The following MICAL3 variants were observed in gnomAD, a reference collection of about 807,000 sequenced individuals.
The protein encoded by MICAL3 is microtubule associated monooxygenase, calponin and LIM domain containing 3.
MICAL3 carries 62 observed loss-of-function variants against 207.4 expected under a neutral mutation model. The ratio of observed to expected loss-of-function variants is 0.30; its 90% confidence interval spans 0.24 to 0.37. The LOEUF is 0.37. Ranked by LOEUF, MICAL3 falls within the 10% of genes least tolerant of loss-of-function variation. MICAL3 has a pLI of 1.00. For missense variants in MICAL3, 2,368 were observed against 2,635.6 expected (o/e 0.90, Z 2.22); for synonymous variants, 1,077 against 1,069.3 (o/e 1.01, Z -0.14).
chr22:18,024,423 G>A lies in MICAL3; in HGVS notation c.-217C>T, dbSNP rs1924673948. On this transcript the variant is annotated 5_prime_UTR_variant, in exon 1 of 32. Coordinates refer to ENST00000441493, the MANE Select transcript of MICAL3 (RefSeq NM_015241.3). ...GCGATCCCGCCCAGTTAGCCTCGGG[G>A]GCTGCACAGCCCAGCCCCCTCGCCC... 1 of 152,204 alleles carries A rather than the reference G, an allele frequency of 6.6e-6. No individual in the cohort carries two copies. Among genetic ancestry groups the A allele is most frequent in the Admixed American group, 6.5e-5 (1 of 15,284 alleles). 9.4% of individuals were successfully genotyped at this position (152,204 alleles called of 1,614,324 possible).
chr22:17,824,283 T>C (rs960756331), intron 22 of MICAL3, among the ~76,000 whole-genome samples: 1 of 152,100 alleles, frequency 6.6e-6, no homozygotes, highest in East Asian at 1.9e-4. Flanking sequence ...GAGAAAGGAG[T>C]TATGCTCTGA....
intron 1 of MICAL3, among the ~76,000 whole-genome samples, chr22:17,921,126 CG>C (rs1308543294): frequency 1.3e-5 from 2 of 152,116 alleles, no homozygotes; most frequent in African/African-American, 4.8e-5. Context: ...TTCACAGGTA[CG>C]GGGACATAAG....
At chr22:17,791,904 C>A (rs955368602) in intron 29 of MICAL3, among the ~76,000 whole-genome samples, 7 of 152,270 alleles carry the variant, frequency 4.6e-5, no homozygotes, top group African/African-American at 1.4e-4. Context: ...ATGGTCGATG[C>A]AGGGCATCTC....
intron 25 of MICAL3, among the ~76,000 whole-genome samples, chr22:17,819,440 T>C (rs915755541): frequency 2.0e-5 from 3 of 152,178 alleles, no homozygotes; most frequent in Admixed American, 2.0e-4. Flanking sequence ...CATAGAGGAA[T>C]GCAGTTCTCA....
intron 23 of MICAL3, among the ~76,000 whole-genome samples, chr22:17,822,596 A>T (rs1196081251): frequency 4.6e-5 from 7 of 151,948 alleles, no homozygotes; most frequent in Non-Finnish European, 1.0e-4. Context: ...GGTTCTTCTC[A>T]TTCTTCCCAG....
intron 1 of MICAL3, among the ~76,000 whole-genome samples, chr22:17,948,631 G>T (rs1208039078): frequency 6.6e-6 from 1 of 152,172 alleles, no homozygotes; most frequent in East Asian, 1.9e-4. Context: ...TTAAAAACAA[G>T]ATTTCTCATA....
At chr22:17,827,599 G>A in intron 22 of MICAL3, 45 bp downstream of exon 22, 1 of 1,510,530 alleles carries the variant, frequency 6.6e-7, no homozygotes, top group Non-Finnish European at 8.9e-7. Flanking sequence ...GCAGCAGGCG[G>A]GTGGTGCTCG....
At chr22:17,834,862 G>A (rs1441466092) in intron 20 of MICAL3, among the ~76,000 whole-genome samples, 1 of 152,212 alleles carries the variant, frequency 6.6e-6, no homozygotes, top group Non-Finnish European at 1.5e-5. Context: ...AACACTGTTT[G>A]AACATAAAAT....
At chr22:17,809,729 G>A (rs1333127766) in intron 28 of MICAL3, among the ~76,000 whole-genome samples, 1 of 152,228 alleles carries the variant, frequency 6.6e-6, no homozygotes, top group African/African-American at 2.4e-5. Context: ...GGAGAGCTCT[G>A]ACCTCTGACC....
chr22:17,881,817 G>C (rs1018110563), intron 16 of MICAL3, among the ~76,000 whole-genome samples: 1 of 152,198 alleles, frequency 6.6e-6, no homozygotes, highest in Admixed American at 6.5e-5. Context: ...ATGCAACAAA[G>C]GCAGGAGCAT....
At chr22:17,930,397 A>G (rs1240813067) in intron 1 of MICAL3, among the ~76,000 whole-genome samples, 2 of 152,228 alleles carry the variant, frequency 1.3e-5, no homozygotes, top group Non-Finnish European at 2.9e-5. Flanking sequence ...CAAAAATTGG[A>G]AACATTCAAA....
chr22:17,818,121 C>A lies in MICAL3; in HGVS notation c.4540G>T (p.Val1514Leu). 1 of 1,611,346 alleles carries A rather than the reference C, an allele frequency of 6.2e-7. No individual in the cohort carries two copies. The highest frequency in any genetic ancestry group is 1.1e-5 in the South Asian group (1 of 90,612). Residue 1514 changes from valine (V) to leucine (L), a missense_variant, in exon 26 of 32, where the codon GTG (valine) becomes TTG (leucine). By Grantham distance (32) the Val-to-Leu change is conservative. Around this residue, in one of 4 missense-constraint regions of MICAL3, gnomAD observed 1,770 missense variants for 1,863.2 expected, o/e 0.95. Coordinates refer to ENST00000441493, the MANE Select transcript of MICAL3 (RefSeq NM_015241.3). ...PPREEVRKSFVESVEEIPFAD... is the reference protein window; with the variant it reads ...PPREEVRKSFLESVEEIPFAD... ...AAGGGAATCTCCTCCACGCTCTCCA[C>A]AAACGACTTCCGCACCTCCTCTCTG...
At chr22:18,020,876 T>G (rs1264530016) in intron 1 of MICAL3, among the ~76,000 whole-genome samples, 2 of 151,438 alleles carry the variant, frequency 1.3e-5, no homozygotes, top group Non-Finnish European at 2.9e-5. Flanking sequence ...ATCTCATCAC[T>G]GAACTCCAGC....
At chr22:17,991,131 C>A (rs1165676852) in intron 1 of MICAL3, among the ~76,000 whole-genome samples, 2 of 152,230 alleles carry the variant, frequency 1.3e-5, no homozygotes, top group African/African-American at 2.4e-5. Flanking sequence ...CCAGGACGTG[C>A]CACAACTGAC....
intron 1 of MICAL3, among the ~76,000 whole-genome samples, chr22:17,945,152 G>GA (rs1934003291): frequency 6.6e-6 from 1 of 151,446 alleles, no homozygotes; most frequent in Non-Finnish European, 1.5e-5. Flanking sequence ...TGACCCCCAG[G>GA]AAAAAAGCCT....
chr22:17,815,484 C>T (rs936036565), intron 27 of MICAL3: 1 of 152,282 alleles, frequency 6.6e-6, no homozygotes, highest in African/African-American at 2.4e-5. Context: ...TGTTTAGGGA[C>T]CCACATAGAA....
intron 1 of MICAL3, among the ~76,000 whole-genome samples, chr22:18,018,109 C>T (rs1308789633): frequency 3.3e-5 from 5 of 151,954 alleles, no homozygotes; most frequent in Admixed American, 6.6e-5. Flanking sequence ...CTCCTGACCT[C>T]GTGATCCGCC....
chr22:17,932,937 T>C (rs901568630), intron 1 of MICAL3, among the ~76,000 whole-genome samples: 8 of 152,186 alleles, frequency 5.3e-5, no homozygotes, highest in African/African-American at 1.9e-4. Flanking sequence ...TAAATATACA[T>C]GCACCCAATA....
chr22:17,810,963 A>G (rs987181865), intron 27 of MICAL3, 150 bp from the exon 28 acceptor site: 2 of 615,650 alleles, frequency 3.2e-6, no homozygotes, highest in Admixed American at 5.1e-5. Flanking sequence ...TGTAGAGTAG[A>G]GTGCTAGCAG....
Sources: allele counts gnomAD v4.1 joint callset (sites outside exome capture counted in the v4.1 genomes callset), GRCh38; gene constraint gnomAD v4.1.1; regional missense constraint gnomAD v4.1.1; transcripts MANE v1.5; gene names NCBI Gene and HGNC (gene_info 2026-07-23, HGNC 2026-07-21).